The following RYR1 variants were observed in gnomAD, a reference collection of about 807,000 sequenced individuals.
The protein encoded by RYR1 is ryanodine receptor 1.
A neutral mutation model predicts 583.5 loss-of-function variants in RYR1; 342 were observed. That is an observed-to-expected ratio of 0.59 (90% CI 0.54 to 0.64). The LOEUF is 0.64. RYR1 is among the 30% of genes least tolerant of loss of function. RYR1 has a pLI of 0.00. For synonymous variants in RYR1, 2,791 were observed against 2,822.5 expected, an observed-to-expected ratio of 0.99 and a Z score of 0.35; for missense variants, 6,032 against 6,917.2, an observed-to-expected ratio of 0.87 and a Z score of 4.54.
intron 20 of RYR1, among the ~76,000 whole-genome samples, chr19:38,462,059 G>GAAGA (rs973382786): frequency 1.3e-5 from 2 of 151,992 alleles, no homozygotes; most frequent in Admixed American, 6.6e-5. Flanking sequence ...CATCTCAAAA[G>GAAGA]AAGAAAGAAA....
chr19:38,548,183 G>A, intron 88 of RYR1, 50 bp from the exon 89 acceptor site: 1 of 1,608,390 alleles, frequency 6.2e-7, no homozygotes, highest in Non-Finnish European at 8.5e-7. Context: ...GCCTGGTGGG[G>A]CCCCAGAAGG....
At position 38,500,532 on chromosome 19, in the gene RYR1, G is replaced by A. The variant is rs958821917; in HGVS notation, c.7324-74G>A. On this transcript the variant is annotated intron_variant, in intron 45 of 105. Transcript: ENST00000359596. This position sits in a 1 kb window ranked among gnomAD's most constrained non-coding sequence, Gnocchi z 5.9. ...CTGCTCTACCCTCCTGTGTGGTAAG[G>A]GAGGGAGCAGAGCAGTCACTGAGTG... 41 of 1,599,314 alleles carry A rather than the reference G, an allele frequency of 2.6e-5. No individual in the cohort carries two copies. The highest frequency in any genetic ancestry group is 3.3e-5 in the Admixed American group (2 of 59,956).
chr19:38,547,457 G>A (rs1248997783), intron 88 of RYR1, among the ~76,000 whole-genome samples: 1 of 152,036 alleles, frequency 6.6e-6, no homozygotes, highest in Non-Finnish European at 1.5e-5. Flanking sequence ...TCTCCTTGCT[G>A]CTTACCACTG....
intron 78 of RYR1, among the ~76,000 whole-genome samples, chr19:38,533,243 CAAGA>C (rs1209575173): frequency 6.6e-5 from 10 of 152,134 alleles, no homozygotes; most frequent in African/African-American, 2.4e-4. Flanking sequence ...GGCCAGGCAG[CAAGA>C]AAGAGCTAGT....
chr19:38,456,939 G>T (rs148175644), intron 16 of RYR1, among the ~76,000 whole-genome samples: 7 of 150,704 alleles, frequency 4.6e-5, no homozygotes, highest in Non-Finnish European at 8.9e-5. Flanking sequence ...CCAGCTACTC[G>T]GGAGGCTGAG....
chr19:38,450,829 C>A (rs972237407), intron 11 of RYR1, among the ~76,000 whole-genome samples: 1 of 151,714 alleles, frequency 6.6e-6, no homozygotes, highest in Non-Finnish European at 1.5e-5. Context: ...GTTGGACATG[C>A]GTAGCCCCAG....
rs1267147082 is a variant in RYR1 at position 38,500,770 on chromosome 19, G to C, written c.7444+44G>C. The C allele has an allele frequency of 6.2e-7, 1 of 1,614,032 alleles. No individual in the cohort carries two copies. Among genetic ancestry groups the C allele is most frequent in the East Asian group, 2.2e-5 (1 of 44,868 alleles). ...TTGGCGAAGGAGTGATGCTGGGGAG[G>C]GAGCGGCTGGGTCCGCAGGGCATCC... On this transcript the variant is annotated intron_variant, in intron 46 of 105. Coordinates refer to ENST00000359596, the MANE Select transcript of RYR1 (RefSeq NM_000540.3). This position sits in a 1 kb window ranked among gnomAD's most constrained non-coding sequence, Gnocchi z 5.9.
intron 89 of RYR1, among the ~76,000 whole-genome samples, chr19:38,549,791 C>T (rs1382769954): frequency 4.7e-5 from 7 of 148,262 alleles, no homozygotes; most frequent in African/African-American, 1.5e-4. Flanking sequence ...GTGCAACCTC[C>T]GCCTCCTGGG....
chr19:38,502,667 G>A lies in RYR1; in HGVS notation c.7775G>A (p.Gly2592Asp). The change falls in exon 48 of 106, where the codon GGT (glycine) becomes GAT (aspartate). Residue 2592 changes from glycine (G) to aspartate (D), a missense_variant. Transcript: ENST00000359596. ...CATACCGTGTACCGCCTGTCTCGGG[G>A]TCGTTCGCTCACCAAGGCGCAGCGT... ...MLHTVYRLSR[G>D]RSLTKAQRDV... 9 of 1,611,172 alleles carry A rather than the reference G, an allele frequency of 5.6e-6. No homozygotes were observed. Among genetic ancestry groups the A allele is most frequent in the Non-Finnish European group, 7.6e-6 (9 of 1,179,842 alleles).
At position 38,529,036 on chromosome 19, in the gene RYR1, G is replaced by A. The variant is rs193922838; in HGVS notation, c.11120G>A (p.Arg3707His). The change falls in exon 76 of 106, where the codon CGC becomes CAC. Residue 3707 changes from arginine (R) to histidine (H), a missense_variant. Transcript: ENST00000359596. Reference protein sequence around the residue: ...PLHQLVLHFSRTALTEKSKLD... With the variant: ...PLHQLVLHFSHTALTEKSKLD... The stretch of plus-strand genomic sequence containing the variant: ...CACCAGTTGGTCCTGCACTTCAGCC[G>A]CACTGCCCTGACGGAAAAGAGGTGA... 6 of 1,613,670 alleles carry A rather than the reference G, an allele frequency of 3.7e-6. No individual in the cohort carries two copies. Among genetic ancestry groups the A allele is most frequent in the East Asian group, 2.2e-5 (1 of 44,886 alleles).
At chr19:38,539,189 T>G (rs1010453416) in intron 84 of RYR1, among the ~76,000 whole-genome samples, 1 of 151,676 alleles carries the variant, frequency 6.6e-6, no homozygotes, top group African/African-American at 2.4e-5. Flanking sequence ...CCACAACGAG[T>G]TTTTCAAGGT....
chr19:38,523,083 G>A lies in RYR1; in HGVS notation c.10315G>A (p.Gly3439Ser). 1 of 1,612,474 alleles carries A rather than the reference G, an allele frequency of 6.2e-7. No homozygotes were observed. The highest frequency in any genetic ancestry group is 1.1e-5 in the South Asian group (1 of 91,014). ...CGCGGAGGAGCTGTTCAGGATGGTGGGCGAGATCTTCATCTACTGGTCCAA... is the reference window on the plus strand; with the variant it reads ...CGCGGAGGAGCTGTTCAGGATGGTGAGCGAGATCTTCATCTACTGGTCCAA... Reference protein sequence around the residue: ...PSAEELFRMVGEIFIYWSKSH... With the variant: ...PSAEELFRMVSEIFIYWSKSH... Residue 3439 changes from glycine (G) to serine (S), a missense_variant, in exon 68 of 106, where the codon GGC becomes AGC. Physicochemically the swap from Gly to Ser is moderately conservative, Grantham distance 56. Transcript: ENST00000359596.
intron 63 of RYR1, among the ~76,000 whole-genome samples, chr19:38,514,668 T>C (rs937437434): frequency 6.6e-6 from 1 of 152,124 alleles, no homozygotes; most frequent in Non-Finnish European, 1.5e-5. Flanking sequence ...CTGGAGGAAG[T>C]ACCCCTCACT....
Position 38,500,696 on chromosome 19 carries a change from C to T in RYR1, c.7414C>T (p.Leu2472Phe). 6.2e-7 allele frequency: 1 copy of T among 1,614,160 alleles called. No individual in the cohort carries two copies. The highest frequency in any genetic ancestry group is 1.1e-5 in the South Asian group (1 of 91,088). Residue 2472 changes from leucine to phenylalanine, a missense_variant, in exon 46 of 106, where the codon CTC becomes TTC. Transcript: ENST00000359596. This position sits in a 1 kb window ranked among gnomAD's most constrained non-coding sequence, Gnocchi z 5.9. ...GGAGGACCTTGTGGGCATCATCAGC[C>T]TCCCACTGCAGATTCCCACCCTGGG... ...PLEDLVGIIS[L>F]PLQIPTLGKD...
At chr19:38,529,157 T>TGG in intron 76 of RYR1, 100 bp downstream of exon 76, 1 of 1,186,626 alleles carries the variant, frequency 8.4e-7, no homozygotes, top group Non-Finnish European at 1.2e-6. Flanking sequence ...CTCCAGGTCC[T>TGG]GGGGGAGCCC....
chr19:38,440,657 A>G (rs999247711), intron 1 of RYR1, 88 bp from the exon 2 acceptor site: 1 of 1,507,880 alleles, frequency 6.6e-7, no homozygotes, highest in African/African-American at 1.4e-5. Flanking sequence ...TTTCATAAGG[A>G]CCAGGGTGGG....
chr19:38,587,026 C>T (rs573525156), intron 105 of RYR1, among the ~76,000 whole-genome samples: 87 of 152,148 alleles, frequency 5.7e-4, no homozygotes, highest in South Asian at 1.5e-3. Flanking sequence ...CCTAGCACTT[C>T]GGGAGGCCAC....
intron 22 of RYR1, 48 bp downstream of exon 22, chr19:38,463,898 G>A (rs746541318): frequency 8.8e-6 from 12 of 1,363,320 alleles, no homozygotes; most frequent in South Asian, 1.2e-5. Context: ...CTGGTGCGGT[G>A]GGGGAGGGAG....
Position 38,442,077 on chromosome 19 carries a change from G to A in RYR1, c.166-272G>A, listed in dbSNP as rs1400348364. On this transcript the variant is annotated intron_variant, in intron 2 of 105. Transcript: ENST00000359596. ...GAGATTAGGTGGAACACGGGTTAGT[G>A]GGGAGGGTTAGGGTTAGGGAAGTTT... Among the ~76,000 whole-genome samples the A allele has an allele frequency of 2.0e-5, 3 of 152,008 alleles. No individual in the cohort carries two copies. The South Asian group carries it at 6.2e-4, about 32-fold the overall frequency.
Sources: allele counts gnomAD v4.1 joint callset (sites outside exome capture counted in the v4.1 genomes callset), GRCh38; gene constraint gnomAD v4.1.1; non-coding constraint Gnocchi (gnomAD v3.1); transcripts MANE v1.5; gene names NCBI Gene and HGNC (gene_info 2026-07-23, HGNC 2026-07-21).